WWOX: variants seen among roughly 807,000 people sequenced by gnomAD.
WWOX encodes WW domain containing oxidoreductase.
WWOX carries 69 observed loss-of-function variants against 46.2 expected under a neutral mutation model. That is an observed-to-expected ratio of 1.49 (90% CI 1.23 to 1.82). The LOEUF (loss-of-function observed/expected upper bound fraction) is 1.82. Among genes scored for constraint, WWOX ranks in the 40% most tolerant of loss-of-function variants. WWOX has a pLI of 0.00. For synonymous variants in WWOX, 359 were observed against 202.6 expected (o/e 1.77, Z -6.56); for missense variants, 919 against 542.6 (o/e 1.69, Z -6.89).
intron 5 of WWOX, among the ~76,000 whole-genome samples, chr16:78,177,446 G>A (rs1461914866): frequency 6.6e-6 from 1 of 152,150 alleles, no homozygotes; most frequent in Non-Finnish European, 1.5e-5. Flanking sequence ...ATGAAAGATG[G>A]TCTCCCCACG....
chr16:78,707,210 C>T (rs1031065331), intron 8 of WWOX, among the ~76,000 whole-genome samples: 4 of 152,144 alleles, frequency 2.6e-5, no homozygotes, highest in African/African-American at 4.8e-5. Context: ...TTACTCCCAT[C>T]AGAGCACCAT....
intron 5 of WWOX, among the ~76,000 whole-genome samples, chr16:78,317,987 A>G (rs1240281000): frequency 1.3e-5 from 2 of 152,164 alleles, no homozygotes; most frequent in Non-Finnish European, 1.5e-5. Context: ...TTTTCCTGAT[A>G]GCTGCTGAAA....
intron 8 of WWOX, among the ~76,000 whole-genome samples, chr16:78,736,883 A>G (rs914031100): frequency 3.3e-5 from 5 of 152,152 alleles, no homozygotes; most frequent in African/African-American, 1.2e-4. Flanking sequence ...TGCTGGGATT[A>G]TAGGCATGAG....
chr16:78,818,623 C>A (rs1029736877), intron 8 of WWOX, among the ~76,000 whole-genome samples: 2 of 152,164 alleles, frequency 1.3e-5, no homozygotes, highest in South Asian at 2.1e-4. Flanking sequence ...CCTAGCTACT[C>A]AGGAGACTGA....
chr16:78,150,237 A>C (rs977762175), intron 4 of WWOX, among the ~76,000 whole-genome samples: 2 of 152,220 alleles, frequency 1.3e-5, no homozygotes, highest in Non-Finnish European at 2.9e-5. Flanking sequence ...TATTACAAAG[A>C]GTACAGATGA....
intron 8 of WWOX, among the ~76,000 whole-genome samples, chr16:78,494,393 C>G (rs1469694214): frequency 1.3e-5 from 2 of 152,092 alleles, no homozygotes; most frequent in Non-Finnish European, 2.9e-5. Context: ...AAAAAGTTGG[C>G]AACCAGAGGC....
At chr16:79,040,158 A>T (rs2047942750) in intron 8 of WWOX, among the ~76,000 whole-genome samples, 1 of 152,168 alleles carries the variant, frequency 6.6e-6, no homozygotes, top group African/African-American at 2.4e-5. Context: ...ATCCTGGCAT[A>T]AAAAGAGCCC....
chr16:78,265,036 C>T (rs1228849986), intron 5 of WWOX, among the ~76,000 whole-genome samples: 9 of 135,800 alleles, frequency 6.6e-5, no homozygotes, highest in African/African-American at 2.5e-4. Flanking sequence ...AATCTCACTC[C>T]GTCGTCCAGG....
At chr16:78,517,723 T>A (rs2043266728) in intron 8 of WWOX, among the ~76,000 whole-genome samples, 1 of 152,076 alleles carries the variant, frequency 6.6e-6, no homozygotes, top group Admixed American at 6.6e-5. Context: ...TTGGGACGGG[T>A]CTTAAACTAA....
intron 8 of WWOX, among the ~76,000 whole-genome samples, chr16:79,037,639 C>G (rs547792527): frequency 6.6e-6 from 1 of 152,182 alleles, no homozygotes; most frequent in Non-Finnish European, 1.5e-5. Context: ...TTGCCACACC[C>G]TCCCAACCTC....
intron 8 of WWOX, among the ~76,000 whole-genome samples, chr16:78,877,271 G>A (rs970241534): frequency 7.2e-6 from 1 of 138,292 alleles, no homozygotes; most frequent in Non-Finnish European, 1.6e-5. Context: ...TGTATGCCCT[G>A]CCTGCCTCCC....
Position 78,876,473 on chromosome 16 carries a change from T to C in WWOX, c.1057-335135T>C, listed in dbSNP as rs74558482. ...AGATTGTGAATGCTTGACTCTTCTTTTTTTTTTTTTTTAAAGGAGTTTCAA... is the reference window on the plus strand; with the variant it reads ...AGATTGTGAATGCTTGACTCTTCTTCTTTTTTTTTTTTAAAGGAGTTTCAA... On this transcript the variant is annotated intron_variant, in intron 8 of 8. Coordinates refer to ENST00000566780, the MANE Select transcript of WWOX (RefSeq NM_016373.4). 9.5e-4 allele frequency among the ~76,000 whole-genome samples: 79 copies of C among 82,872 alleles called. No homozygotes were observed. In the South Asian group the frequency reaches 0.011, roughly 11 times the overall value. The allele number at this position is 82,872 out of a possible 152,430, so 54.4% of individuals were successfully genotyped here.
chr16:78,261,788 C>CTATATATATATATATA (rs71384369), intron 5 of WWOX, among the ~76,000 whole-genome samples: 6 of 73,714 alleles, frequency 8.1e-5, no homozygotes, highest in African/African-American at 1.1e-4. Context: ...ATCTATCTAT[C>CTATATATATATATATA]TATATATATA....
In WWOX at chr16:78,491,980, G is replaced by A. The variant is rs146125614; in HGVS notation, c.1056+59228G>A. ...TCACCTGACTTTCTCCCTGGTCCAGGTGCATTTTAAGCATGGAAGGTGACA... is the reference window on the plus strand; with the variant it reads ...TCACCTGACTTTCTCCCTGGTCCAGATGCATTTTAAGCATGGAAGGTGACA... On this transcript the variant is annotated intron_variant, in intron 8 of 8. Coordinates refer to ENST00000566780, the MANE Select transcript of WWOX (RefSeq NM_016373.4). Among the ~76,000 whole-genome samples, 769 of 152,220 alleles carry A rather than the reference G, an allele frequency of 5.1e-3. 3 individuals are homozygous for A. Among genetic ancestry groups the A allele is most frequent in the Non-Finnish European group, 8.6e-3 (587 of 68,010 alleles).
At chr16:78,412,697 G>A (rs1363311715) in intron 6 of WWOX, among the ~76,000 whole-genome samples, 2 of 152,122 alleles carry the variant, frequency 1.3e-5, no homozygotes, top group Admixed American at 1.3e-4. Flanking sequence ...GCAGAGAGGA[G>A]GTTGCTGAAT....
intron 7 of WWOX, among the ~76,000 whole-genome samples, chr16:78,427,955 C>A (rs369432797): frequency 6.6e-6 from 1 of 151,852 alleles, no homozygotes; most frequent in Non-Finnish European, 1.5e-5. Flanking sequence ...GTAATCCCAG[C>A]TATTTGGGAG....
intron 8 of WWOX, among the ~76,000 whole-genome samples, chr16:78,825,104 G>A (rs149653317): frequency 9.9e-5 from 15 of 152,194 alleles, no homozygotes; most frequent in East Asian, 1.9e-4. Context: ...TGAGGATGCC[G>A]GCACTCGGGG....
intron 1 of WWOX, among the ~76,000 whole-genome samples, chr16:78,101,013 A>T (rs1209834950): frequency 6.6e-5 from 10 of 150,774 alleles, no homozygotes; most frequent in Non-Finnish European, 1.5e-4. Context: ...TTTTTGTAAG[A>T]GCCTTTTTCT....
At chr16:78,107,182 T>C (rs982754218) in intron 1 of WWOX, among the ~76,000 whole-genome samples, 9 of 152,232 alleles carry the variant, frequency 5.9e-5, no homozygotes, top group African/African-American at 2.2e-4. Flanking sequence ...AGGTGAACTT[T>C]TAGGAAACGC....
Sources: allele counts gnomAD v4.1 joint callset (sites outside exome capture counted in the v4.1 genomes callset), GRCh38; gene constraint gnomAD v4.1.1; transcripts MANE v1.5; gene names NCBI Gene and HGNC (gene_info 2026-07-23, HGNC 2026-07-21).